CUX2: variants seen among roughly 807,000 people sequenced by gnomAD.
The protein encoded by CUX2 is homeobox protein cut-like 2.
CUX2 carries 40 observed loss-of-function variants against 144.8 expected under a neutral mutation model. The observed-to-expected ratio is 0.28, with a 90% confidence interval of 0.21 to 0.36. The LOEUF is 0.36. Ranked by LOEUF, CUX2 falls within the 10% of genes least tolerant of loss-of-function variation. The probability of loss-of-function intolerance (pLI) is 1.00; values close to 1 mark genes in which losing one functional copy is unlikely to be tolerated. For missense variants in CUX2, 1,615 were observed against 1,994.0 expected, an observed-to-expected ratio of 0.81 and a Z score of 3.62; for synonymous variants, 827 against 875.6, an observed-to-expected ratio of 0.94 and a Z score of 0.98.
At chr12:111,095,706 G>A (rs1291680203) in intron 1 of CUX2, among the ~76,000 whole-genome samples, 2 of 152,216 alleles carry the variant, frequency 1.3e-5, no homozygotes, top group East Asian at 3.8e-4. Context: ...GAAGGACTCA[G>A]TGTGTGAGTT....
intron 1 of CUX2, among the ~76,000 whole-genome samples, chr12:111,170,441 GAA>G (rs66614071): frequency 1.4e-5 from 2 of 140,226 alleles, no homozygotes; most frequent in South Asian, 2.2e-4. Flanking sequence ...AAGAAAGAAA[GAA>G]AAAAAAAAAA....
rs1296831681 is a variant in CUX2 at position 111,277,450 on chromosome 12, C to T, written c.301+13611C>T. Reference sequence around the variant, plus strand: ...TTCCTGTGTCTAGTATACTCCCCCGCGACCCCCCTGCTAGCTGCCTCATTA... The same window carrying T: ...TTCCTGTGTCTAGTATACTCCCCCGTGACCCCCCTGCTAGCTGCCTCATTA... On this transcript the variant is annotated intron_variant, in intron 4 of 21. Coordinates refer to ENST00000261726, the MANE Select transcript of CUX2 (RefSeq NM_015267.4). This position sits in a 1 kb window ranked among gnomAD's most constrained non-coding sequence, Gnocchi z 5.0. 3.3e-5 allele frequency among the ~76,000 whole-genome samples: 5 copies of T among 152,038 alleles called. No individual in the cohort carries two copies. The highest frequency in any genetic ancestry group is 9.7e-5 in the African/African-American group (4 of 41,394).
intron 10 of CUX2, among the ~76,000 whole-genome samples, chr12:111,306,428 G>A (rs1886584734): frequency 6.6e-6 from 1 of 151,830 alleles, no homozygotes; most frequent in African/African-American, 2.4e-5. Context: ...CTTCATCCAG[G>A]ACAGAGGGTC....
intron 4 of CUX2, among the ~76,000 whole-genome samples, chr12:111,266,208 G>A (rs1884375933): frequency 6.6e-6 from 1 of 152,172 alleles, no homozygotes; most frequent in Non-Finnish European, 1.5e-5. Flanking sequence ...AGGCACAGTG[G>A]CTCAAAGCCT....
At chr12:111,170,450 A>AAAAC (rs1566270357) in intron 1 of CUX2, among the ~76,000 whole-genome samples, 1 of 150,292 alleles carries the variant, frequency 6.7e-6, no homozygotes, top group African/African-American at 2.4e-5. Context: ...AGAAAAAAAA[A>AAAAC]AAAACTGCCC....
intron 1 of CUX2, among the ~76,000 whole-genome samples, chr12:111,167,420 C>A (rs1468051672): frequency 6.6e-6 from 1 of 152,164 alleles, no homozygotes; most frequent in Admixed American, 6.6e-5. Context: ...CCTGTTTCAT[C>A]CTCAACTTTT....
intron 3 of CUX2, among the ~76,000 whole-genome samples, chr12:111,247,292 C>T (rs976740498): frequency 2.6e-5 from 4 of 152,164 alleles, no homozygotes; most frequent in African/African-American, 7.2e-5. Flanking sequence ...GAGGCTCTCC[C>T]GGGGCTGTCT....
chr12:111,248,509 G>A (rs868636445), intron 3 of CUX2, among the ~76,000 whole-genome samples: 1 of 152,060 alleles, frequency 6.6e-6, no homozygotes, highest in South Asian at 2.1e-4. Flanking sequence ...GCAGAAGTAG[G>A]ACAAGGACCA....
At chr12:111,188,755 C>T (rs78102028) in intron 1 of CUX2, among the ~76,000 whole-genome samples, 2,518 of 152,144 alleles carry the variant, frequency 0.017, 74 homozygotes, top group African/African-American at 0.058. Flanking sequence ...CCTCTTGTCA[C>T]GGCAGGTTTT....
chr12:111,328,968 T>TCTCTCTCC (rs1887954371), intron 18 of CUX2, among the ~76,000 whole-genome samples: 1 of 103,950 alleles, frequency 9.6e-6, no homozygotes, highest in Non-Finnish European at 1.8e-5. Context: ...TCTCTCTCTC[T>TCTCTCTCC]CTCTCTCCCC....
chr12:111,256,776 G>A (rs1883837294), intron 3 of CUX2, among the ~76,000 whole-genome samples: 1 of 152,116 alleles, frequency 6.6e-6, no homozygotes, highest in African/African-American at 2.4e-5. Flanking sequence ...TTCTTCCTCT[G>A]TAGAACAGGG....
chr12:111,334,151 C>T (rs887084894), intron 18 of CUX2, among the ~76,000 whole-genome samples: 1 of 151,202 alleles, frequency 6.6e-6, no homozygotes, highest in Non-Finnish European at 1.5e-5. Context: ...CACACCACTG[C>T]ACTCCAGCCT....
At chr12:111,100,858 TGGGGGAGCCC>T (rs1873186342) in intron 1 of CUX2, among the ~76,000 whole-genome samples, 1 of 152,146 alleles carries the variant, frequency 6.6e-6, no homozygotes, top group Non-Finnish European at 1.5e-5. Flanking sequence ...CCATCTTGCA[TGGGGGAGCCC>T]CCAGTAGAGC....
chr12:111,126,767 CAT>C (rs1368622732), intron 1 of CUX2, among the ~76,000 whole-genome samples: 1 of 152,166 alleles, frequency 6.6e-6, no homozygotes, highest in African/African-American at 2.4e-5. Context: ...CAAGCTGACA[CAT>C]AAAATTAACC....
At chr12:111,135,507 G>T (rs1341133164) in intron 1 of CUX2, among the ~76,000 whole-genome samples, 1 of 152,130 alleles carries the variant, frequency 6.6e-6, no homozygotes, top group Non-Finnish European at 1.5e-5. Context: ...TTGAAAACAG[G>T]TGCTCCAACC....
At chr12:111,188,216 AG>A (rs1459154306) in intron 1 of CUX2, among the ~76,000 whole-genome samples, 1 of 152,258 alleles carries the variant, frequency 6.6e-6, no homozygotes, top group Non-Finnish European at 1.5e-5. Flanking sequence ...CTACGTCAAT[AG>A]ACAGGTTACT....
At chr12:111,338,148 C>T in intron 19 of CUX2, 138 bp from the exon 20 acceptor site, 1 of 896,100 alleles carries the variant, frequency 1.1e-6, no homozygotes, top group Non-Finnish European at 1.6e-6. Context: ...CCTCCGCCGT[C>T]TCTGGCCCTC....
At chr12:111,315,141 CT>C (rs1887129551) in intron 16 of CUX2, among the ~76,000 whole-genome samples, 2 of 152,114 alleles carry the variant, frequency 1.3e-5, no homozygotes, top group Non-Finnish European at 2.9e-5. Context: ...CCCCATACCC[CT>C]GGCAAAAAAA....
chr12:111,115,055 A>C (rs1874205612), intron 1 of CUX2, among the ~76,000 whole-genome samples: 1 of 152,086 alleles, frequency 6.6e-6, no homozygotes, highest in African/African-American at 2.4e-5. Context: ...ACCGTACTTT[A>C]TTGATTACTA....
Sources: allele counts gnomAD v4.1 joint callset (sites outside exome capture counted in the v4.1 genomes callset), GRCh38; gene constraint gnomAD v4.1.1; non-coding constraint Gnocchi (gnomAD v3.1); transcripts MANE v1.5; gene names NCBI Gene and HGNC (gene_info 2026-07-23, HGNC 2026-07-21).